The following SEC31B variants were observed in gnomAD, a reference collection of about 807,000 sequenced individuals.
The protein encoded by SEC31B is protein transport protein Sec31B.
Under a neutral mutation model 135.0 loss-of-function variants are expected in SEC31B, and 113 were observed. That is an observed-to-expected ratio of 0.84 (90% CI 0.72 to 0.98). SEC31B has a LOEUF of 0.98. Among genes scored for constraint, SEC31B ranks in the 50% least tolerant of loss-of-function variants. The pLI is 0.00. For synonymous variants in SEC31B, 508 were observed against 549.4 expected, an observed-to-expected ratio of 0.92 and a Z score of 1.05; for missense variants, 1,296 against 1,421.1, an observed-to-expected ratio of 0.91 and a Z score of 1.42.
In SEC31B at chr10:100,506,398, T is replaced by G. The variant is rs768471866; in HGVS notation, c.805A>C (p.Ser269Arg). 1 of 1,614,138 alleles carries G rather than the reference T, an allele frequency of 6.2e-7. No individual in the cohort carries two copies. Among genetic ancestry groups the G allele is most frequent in the East Asian group, 2.2e-5 (1 of 44,880 alleles). The change falls in exon 8 of 26, where the codon AGC becomes CGC. Residue 269 changes from serine to arginine, a missense_variant. Physicochemically the swap from Ser to Arg is moderately radical, Grantham distance 110. Coordinates refer to ENST00000370345, the MANE Select transcript of SEC31B (RefSeq NM_015490.4). ...AGCAGCAGCTCAGCATCAGCCTGGC[T>G]CCATGACACTGACAAGATCCCCCTA... is the stretch of plus-strand genomic sequence containing the variant. ...HSRGILSVSWSQADAELLLTS... is the reference protein window; with the variant it reads ...HSRGILSVSWRQADAELLLTS...
At chr10:100,488,578 G>C (rs1399565372) in intron 24 of SEC31B, among the ~76,000 whole-genome samples, 1 of 152,056 alleles carries the variant, frequency 6.6e-6, no homozygotes, top group Non-Finnish European at 1.5e-5. Context: ...AGCCAGCAGG[G>C]GAATGGCAGA....
chr10:100,498,920 A>T, intron 13 of SEC31B, 116 bp from the exon 14 acceptor site: 1 of 806,140 alleles, frequency 1.2e-6, no homozygotes, highest in Non-Finnish European at 2.0e-6. Flanking sequence ...AACTAAAAAA[A>T]TAGCCAGGTA....
At chr10:100,493,336 G>A (rs540484337) in intron 19 of SEC31B, among the ~76,000 whole-genome samples, 4 of 150,434 alleles carry the variant, frequency 2.7e-5, no homozygotes, top group Non-Finnish European at 4.4e-5. Flanking sequence ...TCGCGCCACT[G>A]CACTCCAGCC....
At chr10:100,500,275 G>A (rs1446066829) in intron 11 of SEC31B, 5 of 446,618 alleles carry the variant, frequency 1.1e-5, no homozygotes, top group Non-Finnish European at 1.8e-5. Flanking sequence ...GGAGACTGCT[G>A]CCAAGTGTAG....
chr10:100,506,489 C>T, intron 7 of SEC31B, 69 bp from the exon 8 acceptor site: 1 of 1,364,950 alleles, frequency 7.3e-7, no homozygotes, highest in Non-Finnish European at 1.0e-6. Flanking sequence ...CCTTATATGT[C>T]TTTTATACAT....
chr10:100,498,418 G>T, intron 14 of SEC31B: 1 of 615,024 alleles, frequency 1.6e-6, no homozygotes, highest in Non-Finnish European at 2.8e-6. Context: ...AACTGATGTG[G>T]CAGTAGCACA....
chr10:100,495,812 C>T (rs547278599), intron 18 of SEC31B, among the ~76,000 whole-genome samples: 29 of 152,272 alleles, frequency 1.9e-4, no homozygotes, highest in South Asian at 4.2e-4. Flanking sequence ...TAAGCACCCA[C>T]GACTGTATTC....
Position 100,487,520 on chromosome 10 carries a change from G to A in SEC31B, c.*96C>T, listed in dbSNP as rs1851202754. The A allele has an allele frequency of 8.2e-7, 1 of 1,226,594 alleles. No individual in the cohort carries two copies. The highest frequency in any genetic ancestry group is 1.1e-6 in the Non-Finnish European group (1 of 878,946). The allele number at this position is 1,226,594 out of a possible 1,614,324, so 76.0% of individuals were successfully genotyped here. On this transcript the variant is annotated 3_prime_UTR_variant, in exon 26 of 26. Coordinates refer to ENST00000370345, the MANE Select transcript of SEC31B (RefSeq NM_015490.4). The stretch of plus-strand genomic sequence containing the variant: ...ACCTGGCAGCAAGGAAAAGAGTCGG[G>A]AAAAAGAAACAGAATCTGTTGCAGA...
chr10:100,487,917 G>A, intron 25 of SEC31B, 110 bp downstream of exon 25: 2 of 1,499,412 alleles, frequency 1.3e-6, no homozygotes. Flanking sequence ...CGTATTTTGT[G>A]GGGAACCCAG....
chr10:100,495,284 G>A (rs901055442), intron 19 of SEC31B, 101 bp downstream of exon 19: 21 of 1,059,218 alleles, frequency 2.0e-5, no homozygotes, highest in Non-Finnish European at 2.8e-6. Flanking sequence ...ATGGAAGTTG[G>A]GAATTTTCAT....
intron 1 of SEC31B, among the ~76,000 whole-genome samples, chr10:100,518,616 T>C (rs755327515): frequency 2.6e-5 from 4 of 152,196 alleles, no homozygotes; most frequent in Non-Finnish European, 5.9e-5. Context: ...TGGTTTCTGA[T>C]CTAATTCCAA....
chr10:100,489,682 G>A, intron 22 of SEC31B, 21 bp downstream of exon 22: 1 of 1,614,134 alleles, frequency 6.2e-7, no homozygotes, highest in Non-Finnish European at 8.5e-7. Context: ...CGAGGGAGTG[G>A]GTAGGGAAAG....
At position 100,487,393 on chromosome 10, in the gene SEC31B, C is replaced by A. The variant is rs1200316709; in HGVS notation, c.*223G>T. 2.7e-5 allele frequency: 15 copies of A among 564,172 alleles called. No homozygotes were observed. In the East Asian group the frequency reaches 4.5e-4, roughly 17 times the overall value. The allele number at this position is 564,172 out of a possible 1,614,324, so 34.9% of individuals were successfully genotyped here. ...GTGAAGAACTGATTCTATGCCCTGCCTCCAGGCCTGAGAGTGTCTTGGACA... is the reference window on the plus strand; with the variant it reads ...GTGAAGAACTGATTCTATGCCCTGCATCCAGGCCTGAGAGTGTCTTGGACA... On this transcript the variant is annotated 3_prime_UTR_variant, in exon 26 of 26. Coordinates refer to ENST00000370345, the MANE Select transcript of SEC31B (RefSeq NM_015490.4).
At chr10:100,498,476 CAAG>C (rs1353975380) in intron 14 of SEC31B, 2 of 601,566 alleles carry the variant, frequency 3.3e-6, no homozygotes, top group East Asian at 2.8e-5. Flanking sequence ...GTCCTTTCAG[CAAG>C]AAGGATAGAA....
intron 7 of SEC31B, 62 bp downstream of exon 7, chr10:100,507,363 C>A: frequency 6.2e-7 from 1 of 1,605,750 alleles, no homozygotes; most frequent in South Asian, 1.1e-5. Flanking sequence ...TACATTGCCT[C>A]CTACCCAGCC....
intron 18 of SEC31B, 76 bp from the exon 19 acceptor site, chr10:100,495,622 C>T (rs181662480): frequency 2.5e-5 from 35 of 1,403,828 alleles, no homozygotes; most frequent in African/African-American, 2.4e-4. Context: ...CAAATTTCAG[C>T]TGACCCTCTA....
chr10:100,505,514 T>C lies in SEC31B; in HGVS notation c.1045-19A>G. 6.6e-7 allele frequency: 1 copy of C among 1,510,714 alleles called. No individual in the cohort carries two copies. Among genetic ancestry groups the C allele is most frequent in the Non-Finnish European group, 8.8e-7 (1 of 1,136,168 alleles). The allele number at this position is 1,510,714 out of a possible 1,614,324, so 93.6% of individuals were successfully genotyped here. ...AGGAGATCTGGGGGGAAAAGACACC[T>C]GCATCGCCATCCTAAAGTGGCAGTT... On this transcript the variant is annotated intron_variant, in intron 9 of 25. Transcript: ENST00000370345.
At chr10:100,497,889 G>T in intron 15 of SEC31B, 96 bp from the exon 16 acceptor site, 1 of 1,597,820 alleles carries the variant, frequency 6.3e-7, no homozygotes, top group Non-Finnish European at 8.6e-7. Flanking sequence ...ACTGAGTAGG[G>T]GCAAGGGATG....
At chr10:100,494,655 G>T (rs1161379417) in intron 19 of SEC31B, among the ~76,000 whole-genome samples, 1 of 152,050 alleles carries the variant, frequency 6.6e-6, no homozygotes, top group Non-Finnish European at 1.5e-5. Context: ...TCATCCCTTT[G>T]CCTAAAACCT....
Sources: gnomAD v4.1 joint callset for allele counts (sites outside exome capture counted in the v4.1 genomes callset) on GRCh38, gnomAD v4.1.1 for gene constraint, MANE v1.5 for transcripts, NCBI Gene and HGNC (gene_info 2026-07-23, HGNC 2026-07-21) for gene names.